GPC5: variants seen among roughly 807,000 people sequenced by gnomAD.
The protein encoded by GPC5 is glypican 5.
GPC5 carries 47 observed loss-of-function variants against 53.9 expected under a neutral mutation model. That is an observed-to-expected ratio of 0.87 (90% CI 0.69 to 1.11). The LOEUF (loss-of-function observed/expected upper bound fraction) is 1.11. Among genes scored for constraint, GPC5 ranks in the 50% most tolerant of loss-of-function variants. GPC5 has a pLI of 0.00. For synonymous variants in GPC5, 286 were observed against 263.3 expected (o/e 1.09, Z -0.84); for missense variants, 748 against 713.1 (o/e 1.05, Z -0.56).
At chr13:91,776,320 C>T (rs1256683267) in intron 5 of GPC5, among the ~76,000 whole-genome samples, 1 of 152,086 alleles carries the variant, frequency 6.6e-6, no homozygotes, top group Admixed American at 6.6e-5. Context: ...CTAGGTTTTG[C>T]AGGCTGTGAT....
chr13:92,582,407 C>G (rs1054969170), intron 7 of GPC5, among the ~76,000 whole-genome samples: 1 of 151,962 alleles, frequency 6.6e-6, no homozygotes, highest in Non-Finnish European at 1.5e-5. Context: ...ATTTTGATTC[C>G]TATAGCTTTA....
chr13:92,707,437 T>C (rs369426568), intron 7 of GPC5, among the ~76,000 whole-genome samples: 2 of 152,150 alleles, frequency 1.3e-5, no homozygotes, highest in East Asian at 3.9e-4. Context: ...TTCCTCTGCT[T>C]GTTGTTTTGT....
At chr13:92,599,269 C>T (rs1883972079) in intron 7 of GPC5, among the ~76,000 whole-genome samples, 1 of 152,002 alleles carries the variant, frequency 6.6e-6, no homozygotes, top group Admixed American at 6.6e-5. Flanking sequence ...TAAATATGCA[C>T]CTGAACTATA....
rs79059484 is a variant in GPC5 at position 91,483,825 on chromosome 13, T to G, written c.325+34903T>G. On this transcript the variant is annotated intron_variant, in intron 2 of 7. Coordinates refer to ENST00000377067, the MANE Select transcript of GPC5 (RefSeq NM_004466.6). The stretch of plus-strand genomic sequence containing the variant: ...AATCCAATGTTTTTTCTCATCAACA[T>G]TACAGTGAAACAATTGTGAACAAAA... 5.3e-3 allele frequency among the ~76,000 whole-genome samples: 813 copies of G among 152,320 alleles called. 9 individuals are homozygous for G. Among genetic ancestry groups the G allele is most frequent in the African/African-American group, 0.018 (769 of 41,570 alleles).
chr13:92,779,953 A>T (rs1220551106), intron 7 of GPC5, among the ~76,000 whole-genome samples: 1 of 152,146 alleles, frequency 6.6e-6, no homozygotes, highest in Non-Finnish European at 1.5e-5. Flanking sequence ...CAAAGATTTT[A>T]AAATCAGGAC....
chr13:92,547,954 C>A lies in GPC5; in HGVS notation c.1562-318328C>A, dbSNP rs181058369. Among the ~76,000 whole-genome samples, 648 of 150,404 alleles carry A rather than the reference C, an allele frequency of 4.3e-3. 2 individuals carry two copies. The highest frequency in any genetic ancestry group is 6.6e-3 in the Non-Finnish European group (443 of 67,616). ...ACACCATTCTCCTGCCACAGCCTCC[C>A]GAGGAGCTGGGACTACAGGTGCCCG... On this transcript the variant is annotated intron_variant, in intron 7 of 7. Transcript: ENST00000377067.
chr13:92,842,313 T>A lies in GPC5; in HGVS notation c.1562-23969T>A, dbSNP rs544020850. On this transcript the variant is annotated intron_variant, in intron 7 of 7. Coordinates refer to ENST00000377067, the MANE Select transcript of GPC5 (RefSeq NM_004466.6). The stretch of plus-strand genomic sequence containing the variant: ...ACTCATGGCACAAGCAGCATGAACA[T>A]CAGCATATTCCTGTTACTTGCCTTC... Among the ~76,000 whole-genome samples the A allele has an allele frequency of 2.0e-5, 3 of 152,208 alleles. No homozygotes were observed. The South Asian group carries it at 6.2e-4, about 32-fold the overall frequency.
At chr13:91,743,981 C>G (rs574626627) in intron 4 of GPC5, among the ~76,000 whole-genome samples, 13 of 152,180 alleles carry the variant, frequency 8.5e-5, no homozygotes, top group African/African-American at 2.6e-4. Flanking sequence ...GAGTCTGAGG[C>G]TCTCTTTTTG....
intron 6 of GPC5, among the ~76,000 whole-genome samples, chr13:91,948,473 T>G (rs181748187): frequency 1.4e-4 from 22 of 152,208 alleles, no homozygotes; most frequent in African/African-American, 5.3e-4. Flanking sequence ...ATGAATTCTC[T>G]CTTATGGAAC....
chr13:91,611,305 G>C (rs1399279245), intron 2 of GPC5, among the ~76,000 whole-genome samples: 2 of 152,238 alleles, frequency 1.3e-5, no homozygotes, highest in East Asian at 3.9e-4. Context: ...AGTGGTCAAG[G>C]CTGTTAGGCA....
chr13:91,616,128 A>G (rs1229724768), intron 2 of GPC5, among the ~76,000 whole-genome samples: 1 of 152,134 alleles, frequency 6.6e-6, no homozygotes, highest in African/African-American at 2.4e-5. Context: ...AAGGGGGCTT[A>G]TATTGCCTAG....
intron 5 of GPC5, among the ~76,000 whole-genome samples, chr13:91,780,506 G>A (rs368516084): frequency 6.6e-6 from 1 of 150,794 alleles, no homozygotes; most frequent in African/African-American, 2.4e-5. Flanking sequence ...TTTCTTTTAC[G>A]TTTCTCTTAC....
chr13:92,816,489 A>T (rs1055878514), intron 7 of GPC5, among the ~76,000 whole-genome samples: 2 of 152,048 alleles, frequency 1.3e-5, no homozygotes, highest in Admixed American at 6.5e-5. Context: ...TTTCGGAAAG[A>T]TTTAGCTACA....
At position 92,145,053 on chromosome 13, in the gene GPC5, TG is replaced by T. The variant is rs2041857494; in HGVS notation, c.1561+65del. 5.3e-5 allele frequency: 64 copies of T among 1,201,096 alleles called. 2 individuals are homozygous for T. The South Asian group carries it at 1.6e-3, about 30-fold the overall frequency. 74.4% of individuals were successfully genotyped at this position (1,201,096 alleles called of 1,614,324 possible). A position where few individuals can be genotyped will look rare whatever the true frequency, so the allele number is the denominator to read the frequency against. On this transcript the variant is annotated intron_variant, in intron 7 of 7. Coordinates refer to ENST00000377067, the MANE Select transcript of GPC5 (RefSeq NM_004466.6). ...GATTTTGAAATATAATTAAAGATAT[TG>T]TTATGGATGTAAAGAAATAATGACA...
At chr13:92,722,040 C>G (rs959640010) in intron 7 of GPC5, among the ~76,000 whole-genome samples, 4 of 151,912 alleles carry the variant, frequency 2.6e-5, no homozygotes, top group Non-Finnish European at 5.9e-5. Flanking sequence ...ATCAAGGGAA[C>G]TTTTGCCTAT....
At chr13:92,838,648 G>A (rs911015417) in intron 7 of GPC5, among the ~76,000 whole-genome samples, 1 of 152,004 alleles carries the variant, frequency 6.6e-6, no homozygotes, top group Non-Finnish European at 1.5e-5. Context: ...ACCCACAGAT[G>A]ATCTTTACAA....
intron 7 of GPC5, among the ~76,000 whole-genome samples, chr13:92,801,107 T>C (rs925761861): frequency 6.6e-6 from 1 of 151,756 alleles, no homozygotes; most frequent in Non-Finnish European, 1.5e-5. Flanking sequence ...TATAACAAAA[T>C]ATGTGTGTGT....
chr13:92,855,198 C>T (rs1878956172), intron 7 of GPC5, among the ~76,000 whole-genome samples: 1 of 151,906 alleles, frequency 6.6e-6, no homozygotes, highest in Non-Finnish European at 1.5e-5. Context: ...ATATATAGCA[C>T]CAGGCTTCTT....
At chr13:92,418,294 G>T (rs1010151973) in intron 7 of GPC5, among the ~76,000 whole-genome samples, 3 of 152,098 alleles carry the variant, frequency 2.0e-5, no homozygotes, top group African/African-American at 7.2e-5. Flanking sequence ...CTTCAATTGT[G>T]AGAATTATAT....
Sources: allele counts gnomAD v4.1 joint callset (sites outside exome capture counted in the v4.1 genomes callset), GRCh38; gene constraint gnomAD v4.1.1; transcripts MANE v1.5; gene names NCBI Gene and HGNC (gene_info 2026-07-23, HGNC 2026-07-21).